CREBBP: variants seen among roughly 807,000 people sequenced by gnomAD.
CREBBP encodes CREB-binding protein.
Under a neutral mutation model 265.0 loss-of-function variants are expected in CREBBP, and 19 were observed. The ratio of observed to expected loss-of-function variants is 0.07; its 90% CI spans 0.05 to 0.11. The LOEUF is 0.11. Among genes scored for constraint, CREBBP ranks in the 10% least tolerant of loss-of-function variants. The pLI is 1.00. For synonymous variants in CREBBP, 1,457 were observed against 1,223.7 expected, an observed-to-expected ratio of 1.19 and a Z score of -3.98; for missense variants, 2,525 against 3,219.0, an observed-to-expected ratio of 0.78 and a Z score of 5.22.
intron 28 of CREBBP, 110 bp downstream of exon 28, chr16:3,735,926 C>A (rs921114532): frequency 1.9e-6 from 3 of 1,579,590 alleles, no homozygotes; most frequent in Non-Finnish European, 2.6e-6. Flanking sequence ...CATGTGTGAA[C>A]GGAGACACCA....
At chr16:3,747,502 T>A (rs2052369256) in intron 21 of CREBBP, among the ~76,000 whole-genome samples, 1 of 152,100 alleles carries the variant, frequency 6.6e-6, no homozygotes, top group Non-Finnish European at 1.5e-5. Flanking sequence ...CCAAGCAGGG[T>A]CCCTTCTGTC....
At chr16:3,803,098 T>C (rs932536210) in intron 3 of CREBBP, among the ~76,000 whole-genome samples, 1 of 152,038 alleles carries the variant, frequency 6.6e-6, no homozygotes, top group East Asian at 1.9e-4. Flanking sequence ...AAACACAACA[T>C]AGCTATTTTC....
chr16:3,879,794 GCGCCCCGGGCCCCCGC>G lies in CREBBP; in HGVS notation c.85+22_85+37del, dbSNP rs1330866984. The G allele has an allele frequency of 7.1e-6, 11 of 1,545,860 alleles. No homozygotes were observed. In the East Asian group the frequency reaches 1.4e-4, roughly 20 times the overall value. ...CTCTCTTTCAGGTGGGGGTGACAGC[GCGCCCCGGGCCCCCGC>G]CGCCCCGGACCCCCTCCTCACCTGT... On this transcript the variant is annotated intron_variant, in intron 1 of 30. Transcript: ENST00000262367.
intron 1 of CREBBP, among the ~76,000 whole-genome samples, chr16:3,863,075 C>T (rs138808873): frequency 6.4e-4 from 98 of 152,196 alleles, no homozygotes; most frequent in African/African-American, 2.2e-3. Flanking sequence ...AATTACAGAA[C>T]CTTAGAAACT....
chr16:3,860,114 C>T (rs937872930), intron 1 of CREBBP, among the ~76,000 whole-genome samples: 4 of 151,990 alleles, frequency 2.6e-5, no homozygotes, highest in African/African-American at 9.7e-5. Flanking sequence ...AGTGCCTACT[C>T]GGTGTGTGTG....
At chr16:3,841,686 T>C (rs1239123456) in intron 2 of CREBBP, among the ~76,000 whole-genome samples, 1 of 152,144 alleles carries the variant, frequency 6.6e-6, no homozygotes, top group African/African-American at 2.4e-5. Context: ...CTACCCAAAA[T>C]AGAGAAGGTA....
intron 5 of CREBBP, among the ~76,000 whole-genome samples, chr16:3,784,285 T>C (rs1051955218): frequency 1.3e-5 from 2 of 152,218 alleles, no homozygotes; most frequent in Non-Finnish European, 2.9e-5. Context: ...CTGGTAATTA[T>C]ACTTTCCATA....
chr16:3,879,400 C>G (rs1488566000), intron 1 of CREBBP, among the ~76,000 whole-genome samples: 2 of 152,178 alleles, frequency 1.3e-5, no homozygotes, highest in Non-Finnish European at 1.5e-5. Context: ...TGTCGCCAAT[C>G]CAGAAAACAC....
Position 3,849,421 on chromosome 16 carries a change from GTGTGTGT to G in CREBBP, c.798+869_798+875del, listed in dbSNP as rs2054744544. On this transcript the variant is annotated intron_variant, in intron 2 of 30. Coordinates refer to ENST00000262367, the MANE Select transcript of CREBBP (RefSeq NM_004380.3). ...TGTGTGTGTGTGTGTGTGTGTGTGT[GTGTGTGT>G]GTGTGTGTGTGTGTGTGTGTGTGTG... 3.1e-3 allele frequency among the ~76,000 whole-genome samples: 27 copies of G among 8,588 alleles called. 1 individual carries two copies. The highest frequency in any genetic ancestry group is 5.7e-3 in the Admixed American group (3 of 530). The allele number at this position is 8,588 out of a possible 152,430, so 5.6% of individuals were successfully genotyped here.
chr16:3,769,928 T>C (rs1253375937), intron 14 of CREBBP, among the ~76,000 whole-genome samples: 1 of 152,164 alleles, frequency 6.6e-6, no homozygotes, highest in Non-Finnish European at 1.5e-5. Flanking sequence ...TGGAGTACAA[T>C]GGCGCAATCT....
intron 2 of CREBBP, among the ~76,000 whole-genome samples, chr16:3,839,250 T>G (rs900585519): frequency 1.3e-5 from 2 of 152,232 alleles, no homozygotes; most frequent in Admixed American, 1.3e-4. Flanking sequence ...TTGAAAGCAA[T>G]TAGCCACTAC....
intron 1 of CREBBP, among the ~76,000 whole-genome samples, chr16:3,852,708 T>G (rs1441875354): frequency 1.3e-5 from 2 of 152,218 alleles, no homozygotes. Context: ...ACAAAAGACA[T>G]AAGCAGGTCT....
chr16:3,836,921 G>A (rs1454225014), intron 2 of CREBBP, among the ~76,000 whole-genome samples: 1 of 152,218 alleles, frequency 6.6e-6, no homozygotes, highest in Non-Finnish European at 1.5e-5. Context: ...CTGTGATGCT[G>A]CTGGTGTAAA....
intron 5 of CREBBP, among the ~76,000 whole-genome samples, chr16:3,784,116 C>T (rs563517078): frequency 3.3e-5 from 5 of 152,184 alleles, no homozygotes; most frequent in Admixed American, 2.6e-4. Context: ...TATAACACAC[C>T]ATTTTTGATA....
At chr16:3,733,245 C>T (rs1031217355) in intron 28 of CREBBP, among the ~76,000 whole-genome samples, 1 of 151,590 alleles carries the variant, frequency 6.6e-6, no homozygotes, top group African/African-American at 2.4e-5. Context: ...GCCTGCAGTC[C>T]CACCTACTCG....
At chr16:3,787,916 C>T (rs999765354) in intron 5 of CREBBP, among the ~76,000 whole-genome samples, 12 of 152,128 alleles carry the variant, frequency 7.9e-5, no homozygotes, top group Non-Finnish European at 1.8e-4. Flanking sequence ...TCAGGCAACC[C>T]GCCTGTCTCA....
At chr16:3,806,555 T>A (rs1356494348) in intron 3 of CREBBP, among the ~76,000 whole-genome samples, 2 of 152,070 alleles carry the variant, frequency 1.3e-5, no homozygotes, top group African/African-American at 4.8e-5. Flanking sequence ...GGTCACTGAA[T>A]GTTCTCAGTC....
rs2051715522 is a variant in CREBBP, at chr16:3,725,360, G to C, written c.*2358C>G. The C allele has an allele frequency of 4.3e-6, 1 of 233,198 alleles. No individual in the cohort carries two copies. Among genetic ancestry groups the C allele is most frequent in the Non-Finnish European group, 8.5e-6 (1 of 118,078 alleles). 14.4% of individuals were successfully genotyped at this position (233,198 alleles called of 1,614,324 possible). ...TTGAATTCCAGGATAACCTGAAACA[G>C]AGGCCCCTCCACTGCCCACATTAAA... On this transcript the variant is annotated 3_prime_UTR_variant, in exon 31 of 31. Transcript: ENST00000262367.
chr16:3,774,549 C>G lies in CREBBP; in HGVS notation c.2283+20G>C. On this transcript the variant is annotated intron_variant, in intron 12 of 30. Coordinates refer to ENST00000262367, the MANE Select transcript of CREBBP (RefSeq NM_004380.3). ...GTGAGAGGGAGGGCTATCTGCAGCACAGCGAAAGAGAACACTTACCCCTGG... is the reference window on the plus strand; with the variant it reads ...GTGAGAGGGAGGGCTATCTGCAGCAGAGCGAAAGAGAACACTTACCCCTGG... 6.2e-7 allele frequency: 1 copy of G among 1,613,966 alleles called. No homozygotes were observed. The highest frequency in any genetic ancestry group is 8.5e-7 in the Non-Finnish European group (1 of 1,180,038).
Sources: allele counts gnomAD v4.1 joint callset (sites outside exome capture counted in the v4.1 genomes callset), GRCh38; gene constraint gnomAD v4.1.1; transcripts MANE v1.5; gene names NCBI Gene and HGNC (gene_info 2026-07-23, HGNC 2026-07-21).